MAP4K1: variants seen among roughly 807,000 people sequenced by gnomAD.
The protein encoded by MAP4K1 is mitogen-activated protein kinase kinase kinase kinase 1, also known as MAPK/ERK kinase kinase kinase 1.
MAP4K1 carries 35 observed loss-of-function variants against 122.8 expected under a neutral mutation model. The ratio of observed to expected loss-of-function variants is 0.29; its 90% CI spans 0.22 to 0.38. The LOEUF is 0.38. MAP4K1 is among the 10% of genes least tolerant of loss of function. The pLI is 1.00. For synonymous variants in MAP4K1, 412 were observed against 421.3 expected (o/e 0.98, Z 0.27); for missense variants, 791 against 1,072.6 (o/e 0.74, Z 3.67).
At position 38,605,745 on chromosome 19, in the gene MAP4K1, A is replaced by C. The variant is rs1975310046; in HGVS notation, c.1201-15T>G. The C allele has an allele frequency of 6.2e-7, 1 of 1,600,716 alleles. No individual in the cohort carries two copies. On this transcript the variant is annotated splice_polypyrimidine_tract_variant and intron_variant, in intron 17 of 30. Coordinates refer to ENST00000396857, the MANE Select transcript of MAP4K1 (RefSeq NM_001042600.3). ...CGGAACTTGGGCTTTGGAGACGGGA[A>C]TGGAGCGTGGGGAAATACATCAGAT...
At chr19:38,591,520 C>A (rs1974726104) in intron 30 of MAP4K1, among the ~76,000 whole-genome samples, 1 of 136,502 alleles carries the variant, frequency 7.3e-6, no homozygotes. Context: ...CAGCAAGACT[C>A]CATCTCAAAA....
At chr19:38,614,002 C>A (rs1271927263) in intron 7 of MAP4K1, 41 bp downstream of exon 7, 1 of 1,612,550 alleles carries the variant, frequency 6.2e-7, no homozygotes, top group East Asian at 2.2e-5. Context: ...CGCTTCCGGC[C>A]CCCCAGTCAG....
chr19:38,602,793 C>T (rs889026184), intron 19 of MAP4K1, among the ~76,000 whole-genome samples: 2 of 139,506 alleles, frequency 1.4e-5, no homozygotes. Flanking sequence ...TACATATATA[C>T]ACACATACAT....
chr19:38,597,269 C>T lies in MAP4K1; in HGVS notation c.1837+57G>A. 6.2e-7 allele frequency: 1 copy of T among 1,608,504 alleles called. No individual in the cohort carries two copies. Among genetic ancestry groups the T allele is most frequent in the East Asian group, 2.2e-5 (1 of 44,860 alleles). ...CCTTCTCAGGTGGATGCAGTTCAAG[C>T]CCCTCCTCTGGCCTGGCCCCGCCCA... On this transcript the variant is annotated intron_variant, in intron 24 of 30. Transcript: ENST00000396857. This position sits in a 1 kb window ranked among gnomAD's most constrained non-coding sequence, Gnocchi z 4.6.
chr19:38,610,916 C>T (rs2079598948), intron 11 of MAP4K1, 135 bp downstream of exon 11: 2 of 758,728 alleles, frequency 2.6e-6, no homozygotes, highest in African/African-American at 1.7e-5. Context: ...CGGGGGTGGT[C>T]CTGGGAAATT....
intron 13 of MAP4K1, among the ~76,000 whole-genome samples, chr19:38,609,237 C>T (rs1259859510): frequency 6.6e-6 from 1 of 152,104 alleles, no homozygotes; most frequent in Non-Finnish European, 1.5e-5. Flanking sequence ...CAGGTTCAGG[C>T]AATCCTCCTA....
intron 3 of MAP4K1, among the ~76,000 whole-genome samples, 162 bp from the exon 4 acceptor site, chr19:38,616,421 T>C (rs1246735379): frequency 2.6e-5 from 4 of 152,216 alleles, no homozygotes; most frequent in Non-Finnish European, 5.9e-5. Context: ...GGTTGTTTCA[T>C]TCCCATTTTA....
chr19:38,590,394 A>AAATAT (rs1974685413), intron 30 of MAP4K1, among the ~76,000 whole-genome samples: 1 of 17,298 alleles, frequency 5.8e-5, no homozygotes, highest in Non-Finnish European at 1.0e-4. Context: ...AAAAAAAAAA[A>AAATAT]ATATATATAT....
At chr19:38,599,012 CAAAAAAAAAA>C (rs944497385) in intron 22 of MAP4K1, among the ~76,000 whole-genome samples, 2 of 38,000 alleles carry the variant, frequency 5.3e-5, no homozygotes, top group East Asian at 8.1e-4. Flanking sequence ...GAGTCTATCT[CAAAAAAAAAA>C]AAAAAAAAAA....
At chr19:38,593,796 G>A (rs1371934505) in intron 29 of MAP4K1, among the ~76,000 whole-genome samples, 4 of 152,150 alleles carry the variant, frequency 2.6e-5, no homozygotes, top group Admixed American at 2.6e-4. Context: ...CACGAGAATC[G>A]CTTGAACCTG....
chr19:38,607,502 G>A (rs1412045987), intron 16 of MAP4K1, among the ~76,000 whole-genome samples: 1 of 147,138 alleles, frequency 6.8e-6, no homozygotes, highest in African/African-American at 2.5e-5. Context: ...CGAGGTTGTA[G>A]TGAGCTGAGA....
intron 30 of MAP4K1, among the ~76,000 whole-genome samples, chr19:38,588,429 G>T (rs1165632069): frequency 6.6e-6 from 1 of 152,102 alleles, no homozygotes; most frequent in Non-Finnish European, 1.5e-5. Context: ...GGTGGCTCAT[G>T]CTTGTAATCC....
intron 9 of MAP4K1, among the ~76,000 whole-genome samples, chr19:38,612,402 A>G (rs1186797703): frequency 6.6e-6 from 1 of 152,076 alleles, no homozygotes; most frequent in Non-Finnish European, 1.5e-5. Flanking sequence ...CCTGGGCAAC[A>G]GAGCAAGACT....
chr19:38,597,180 C>A lies in MAP4K1; in HGVS notation c.1838-43G>T, dbSNP rs1308448584. The A allele has an allele frequency of 1.2e-6, 2 of 1,605,730 alleles. No individual in the cohort carries two copies. The highest frequency in any genetic ancestry group is 2.2e-5 in the East Asian group (1 of 44,854). Reference sequence around the variant, plus strand: ...ATGAGTCAAGATCAATGCCCTCTATCCTCCTCGCCACCCACACTACCACCC... The same window carrying A: ...ATGAGTCAAGATCAATGCCCTCTATACTCCTCGCCACCCACACTACCACCC... On this transcript the variant is annotated intron_variant, in intron 24 of 30. Coordinates refer to ENST00000396857, the MANE Select transcript of MAP4K1 (RefSeq NM_001042600.3). This position sits in a 1 kb window ranked among gnomAD's most constrained non-coding sequence, Gnocchi z 4.6.
Position 38,617,816 on chromosome 19 carries a change from G to A in MAP4K1, c.80C>T (p.Thr27Met), listed in dbSNP as rs1302260800. ...YDLLQRLGGGTYGEVFKARDK... is the reference protein window; with the variant it reads ...YDLLQRLGGGMYGEVFKARDK... The stretch of plus-strand genomic sequence containing the variant: ...CCTCACCTTAAAGACTTCCCCATAC[G>A]TGCCGCCACCCAGCCGCTGTAGCAG... Residue 27 changes from threonine to methionine, a missense_variant, in exon 1 of 31, where the codon ACG becomes ATG. This residue lies in a region of MAP4K1 where 163 missense variants were observed against 286.1 expected (regional missense o/e 0.57). Transcript: ENST00000396857. The surrounding 1 kb of genome is among the most constrained non-coding windows in gnomAD (Gnocchi z 4.1). The A allele has an allele frequency of 1.2e-6, 2 of 1,614,054 alleles. No homozygotes were observed. Among genetic ancestry groups the A allele is most frequent in the East Asian group, 2.2e-5 (1 of 44,878 alleles).
intron 16 of MAP4K1, 78 bp from the exon 17 acceptor site, chr19:38,606,293 G>C: frequency 1.4e-6 from 1 of 699,614 alleles, no homozygotes; most frequent in Non-Finnish European, 2.4e-6. Context: ...TTCTGGGCTG[G>C]AGGCCCGGGA....
chr19:38,604,152 A>AAAAAAAAAAC (rs1975253455), intron 19 of MAP4K1, among the ~76,000 whole-genome samples: 1 of 151,054 alleles, frequency 6.6e-6, no homozygotes, highest in Non-Finnish European at 1.5e-5. Flanking sequence ...AAAAAAAAAA[A>AAAAAAAAAAC]AGACTTTAGA....
At position 38,597,123 on chromosome 19, in the gene MAP4K1, A is replaced by G. The variant is rs2144703822; in HGVS notation, c.1852T>C (p.Ser618Pro). 1 of 1,614,118 alleles carries G rather than the reference A, an allele frequency of 6.2e-7. No individual in the cohort carries two copies. The highest frequency in any genetic ancestry group is 8.5e-7 in the Non-Finnish European group (1 of 1,180,006). ...RACCVAEGAS[S>P]GGPFLCGALE... ...GCACCGCACAGGAACGGGCCCCCAG[A>G]GCTCGCACCCTCCGCTGTGGCATGG... is the stretch of plus-strand genomic sequence containing the variant. Residue 618 changes from serine (S) to proline (P), a missense_variant, in exon 25 of 31, where the codon TCT becomes CCT. This residue lies in a region of MAP4K1 where 267 missense variants were observed against 323.0 expected (regional missense o/e 0.83). Coordinates refer to ENST00000396857, the MANE Select transcript of MAP4K1 (RefSeq NM_001042600.3). This position sits in a 1 kb window ranked among gnomAD's most constrained non-coding sequence, Gnocchi z 4.6.
Position 38,617,583 on chromosome 19 carries a change from C to G in MAP4K1, c.142G>C (p.Val48Leu), listed in dbSNP as rs200257489. The G allele has an allele frequency of 6.2e-7, 1 of 1,614,104 alleles. No homozygotes were observed. The highest frequency in any genetic ancestry group is 1.3e-5 in the African/African-American group (1 of 75,006). Residue 48 changes from valine to leucine, a missense_variant, in exon 2 of 31, where the codon GTG (valine) becomes CTG (leucine). By Grantham distance (32) the Val-to-Leu change is conservative. Around this residue, in one of 4 missense-constraint regions of MAP4K1, gnomAD observed 163 missense variants for 286.1 expected, o/e 0.57. Transcript: ENST00000396857. This position sits in a 1 kb window ranked among gnomAD's most constrained non-coding sequence, Gnocchi z 4.1. ...VSGDLVALKM[V>L]KMEPDDDVST... is the part of the protein sequence containing the mutation. ...CCCTCCTCACCAGGCTCCATCTTCA[C>G]CATCTTCAGTGCCACCAGGTCCCCT...
Sources: allele counts gnomAD v4.1 joint callset (sites outside exome capture counted in the v4.1 genomes callset), GRCh38; gene constraint gnomAD v4.1.1; regional missense constraint gnomAD v4.1.1; non-coding constraint Gnocchi (gnomAD v3.1); transcripts MANE v1.5; gene names NCBI Gene and HGNC (gene_info 2026-07-23, HGNC 2026-07-21).